Variants in RSRC1 observed in about 807,000 individuals in gnomAD.
The protein encoded by RSRC1 is serine/Arginine-related protein 53.
In RSRC1, 39 loss-of-function variants were observed where a neutral mutation model predicts 49.1. The observed-to-expected ratio is 0.79, with a 90% CI of 0.61 to 1.04. The LOEUF is 1.04. RSRC1 is among the 50% of genes least tolerant of loss of function. The pLI, the probability that RSRC1 is intolerant of heterozygous loss-of-function variation, is 0.00. For synonymous variants in RSRC1, 143 were observed against 130.8 expected, an observed-to-expected ratio of 1.09 and a Z score of -0.63; for missense variants, 388 against 402.4, an observed-to-expected ratio of 0.96 and a Z score of 0.31.
At chr3:158,197,002 G>A (rs1331001422) in intron 3 of RSRC1, among the ~76,000 whole-genome samples, 1 of 152,192 alleles carries the variant, frequency 6.6e-6, no homozygotes, top group Non-Finnish European at 1.5e-5. Flanking sequence ...GTATCAGAAT[G>A]ATGCCGGCCT....
intron 6 of RSRC1, among the ~76,000 whole-genome samples, chr3:158,410,071 G>A (rs1734372061): frequency 6.6e-6 from 1 of 151,988 alleles, no homozygotes; most frequent in East Asian, 1.9e-4. Flanking sequence ...CAAAATCACA[G>A]TAAAATGGTT....
chr3:158,226,992 G>A (rs1198681318), intron 4 of RSRC1, among the ~76,000 whole-genome samples: 2 of 151,720 alleles, frequency 1.3e-5, no homozygotes, highest in Non-Finnish European at 1.5e-5. Flanking sequence ...TAAGTTAAAT[G>A]TAAATTAATT....
At chr3:158,128,928 C>T (rs1436497075) in intron 3 of RSRC1, among the ~76,000 whole-genome samples, 1 of 152,046 alleles carries the variant, frequency 6.6e-6, no homozygotes, top group African/African-American at 2.4e-5. Flanking sequence ...GGCAAGAATA[C>T]GAGAGAAATG....
Position 158,122,173 on chromosome 3 carries a change from G to A in RSRC1, c.69G>A (p.Arg23=). 6.3e-7 allele frequency: 1 copy of A among 1,599,426 alleles called. No homozygotes were observed. The highest frequency in any genetic ancestry group is 8.5e-7 in the Non-Finnish European group (1 of 1,172,188). The change falls in exon 2 of 10, where the codon CGG becomes CGA. Residue 23 remains arginine (R), a synonymous_variant. Coordinates refer to ENST00000611884, the MANE Select transcript of RSRC1 (RefSeq NM_001271838.2). ...AGAGAAAAAAGAAACACCGTAGACG[G>A]TCCTCCTCGAGCAGTTCTTCAGATA... The part of the protein sequence containing the change: ...RSKRKKKHRR[R]SSSSSSSDSR...
intron 6 of RSRC1, among the ~76,000 whole-genome samples, chr3:158,399,568 C>T (rs997694004): frequency 1.3e-5 from 2 of 152,142 alleles, no homozygotes; most frequent in African/African-American, 2.4e-5. Flanking sequence ...TGGCTATTTA[C>T]ATTTAAATTT....
chr3:158,463,361 A>G (rs1249232445), intron 7 of RSRC1, among the ~76,000 whole-genome samples: 5 of 152,126 alleles, frequency 3.3e-5, no homozygotes. Flanking sequence ...AGAGTGATTA[A>G]TGTATAAGCT....
At chr3:158,185,466 T>A (rs910590532) in intron 3 of RSRC1, among the ~76,000 whole-genome samples, 1 of 151,972 alleles carries the variant, frequency 6.6e-6, no homozygotes, top group African/African-American at 2.4e-5. Flanking sequence ...AAAAGTCCTA[T>A]TGTTTTTTAC....
chr3:158,175,429 T>C (rs1460394390), intron 3 of RSRC1, among the ~76,000 whole-genome samples: 1 of 152,194 alleles, frequency 6.6e-6, no homozygotes, highest in East Asian at 1.9e-4. Flanking sequence ...TCTATCATTG[T>C]ATCTTTAATA....
intron 6 of RSRC1, among the ~76,000 whole-genome samples, chr3:158,392,741 C>T (rs960145563): frequency 6.6e-6 from 1 of 152,036 alleles, no homozygotes; most frequent in Non-Finnish European, 1.5e-5. Flanking sequence ...AAGACTTCAA[C>T]ACCTTGCTTG....
In RSRC1 at chr3:158,340,465, C is replaced by T. The variant is rs543879640; in HGVS notation, c.532-14392C>T. The stretch of plus-strand genomic sequence containing the variant: ...CTGAGGCAGGAGAATCGCTTGAACC[C>T]GGGAGGCGGAGGTTGCAGTGAGCTG... On this transcript the variant is annotated intron_variant, in intron 5 of 9. Coordinates refer to ENST00000611884, the MANE Select transcript of RSRC1 (RefSeq NM_001271838.2). Among the ~76,000 whole-genome samples, 301 of 152,058 alleles carry T rather than the reference C, an allele frequency of 2.0e-3. 1 individual carries two copies. The highest frequency in any genetic ancestry group is 3.4e-3 in the Non-Finnish European group (228 of 67,982).
chr3:158,324,381 C>A (rs1243189430), intron 5 of RSRC1, among the ~76,000 whole-genome samples: 1 of 152,088 alleles, frequency 6.6e-6, no homozygotes, highest in Non-Finnish European at 1.5e-5. Flanking sequence ...TTCCCTCTGC[C>A]CTCCCCTCAC....
At chr3:158,191,973 T>A (rs1302821702) in intron 3 of RSRC1, among the ~76,000 whole-genome samples, 4 of 152,094 alleles carry the variant, frequency 2.6e-5, no homozygotes, top group African/African-American at 9.7e-5. Flanking sequence ...GTTAGCAGCT[T>A]AGTTTATTTC....
At chr3:158,168,346 C>T (rs1235472066) in intron 3 of RSRC1, among the ~76,000 whole-genome samples, 1 of 152,172 alleles carries the variant, frequency 6.6e-6, no homozygotes. Flanking sequence ...TCCAGTTGAT[C>T]TAGAGAATTG....
chr3:158,337,754 A>G (rs970291377), intron 5 of RSRC1, among the ~76,000 whole-genome samples: 6 of 152,288 alleles, frequency 3.9e-5, no homozygotes, highest in Admixed American at 1.3e-4. Flanking sequence ...CTTAGTAGCT[A>G]TGCTATCGAT....
At chr3:158,136,443 T>G (rs1262480135) in intron 3 of RSRC1, among the ~76,000 whole-genome samples, 1 of 152,192 alleles carries the variant, frequency 6.6e-6, no homozygotes, top group Non-Finnish European at 1.5e-5. Context: ...CCTACAGAGC[T>G]CTAGTTTGCA....
chr3:158,405,088 G>C (rs900156422), intron 6 of RSRC1, among the ~76,000 whole-genome samples: 1 of 151,986 alleles, frequency 6.6e-6, no homozygotes, highest in African/African-American at 2.4e-5. Context: ...CAAGCTAGCA[G>C]ATTTTTTGCA....
chr3:158,240,294 A>G (rs1723495241), intron 4 of RSRC1, among the ~76,000 whole-genome samples: 1 of 152,066 alleles, frequency 6.6e-6, no homozygotes, highest in Non-Finnish European at 1.5e-5. Context: ...AACCTTTCCT[A>G]CTAATAAAGT....
intron 3 of RSRC1, among the ~76,000 whole-genome samples, chr3:158,145,621 T>G (rs1348986802): frequency 2.6e-5 from 4 of 152,216 alleles, no homozygotes; most frequent in Non-Finnish European, 5.9e-5. Context: ...GCGGGCTCTT[T>G]TTTGGTTCCA....
chr3:158,290,883 C>CA (rs549939615), intron 4 of RSRC1, among the ~76,000 whole-genome samples: 2 of 152,072 alleles, frequency 1.3e-5, no homozygotes, highest in Non-Finnish European at 2.9e-5. Context: ...TAGTTCATGA[C>CA]AAAAAAATCT....
Sources: gnomAD v4.1 joint callset for allele counts (sites outside exome capture counted in the v4.1 genomes callset) on GRCh38, gnomAD v4.1.1 for gene constraint, MANE v1.5 for transcripts, NCBI Gene and HGNC (gene_info 2026-07-23, HGNC 2026-07-21) for gene names.